Variants in FSHR observed in about 807,000 individuals in gnomAD.
FSHR encodes the protein follicle stimulating hormone receptor.
A neutral mutation model predicts 52.1 loss-of-function variants in FSHR; 46 were observed. That is an observed-to-expected ratio of 0.88 (90% CI 0.70 to 1.13). The LOEUF (loss-of-function observed/expected upper bound fraction) is 1.13, where lower values mean the gene tolerates loss of function less well. Ranked by LOEUF, FSHR falls within the 50% of genes most tolerant of loss-of-function variation. The probability of loss-of-function intolerance (pLI) is 0.00; values close to 1 mark genes in which losing one functional copy is unlikely to be tolerated. For synonymous variants in FSHR, 399 were observed against 309.6 expected, an observed-to-expected ratio of 1.29 and a Z score of -3.03; for missense variants, 964 against 834.6, an observed-to-expected ratio of 1.16 and a Z score of -1.91.
Position 48,989,074 on chromosome 2 carries a change from A to G in FSHR, c.447-20T>C, listed in dbSNP as rs781318331. On this transcript the variant is annotated intron_variant, in intron 5 of 9. Transcript: ENST00000406846. ...ATGTCACTAGAAGAAAGTACAGACA[A>G]ATAAGATACTTACATCAGCTCTACT... 17 of 1,593,438 alleles carry G rather than the reference A, an allele frequency of 1.1e-5. No homozygotes were observed. Among genetic ancestry groups the G allele is most frequent in the Non-Finnish European group, 1.5e-5 (17 of 1,161,810 alleles).
chr2:48,964,068 A>ATTT, intron 9 of FSHR, 102 bp from the exon 10 acceptor site: 2 of 998,198 alleles, frequency 2.0e-6, no homozygotes, highest in Non-Finnish European at 2.8e-6. Context: ...TCTTCCTGAG[A>ATTT]TTTTTTTTTT....
At chr2:49,037,999 G>A (rs1668331859) in intron 2 of FSHR, among the ~76,000 whole-genome samples, 1 of 152,026 alleles carries the variant, frequency 6.6e-6, no homozygotes, top group African/African-American at 2.4e-5. Flanking sequence ...ACCCACCAGA[G>A]AGGAAAGACA....
rs576270400 is a variant in FSHR, at chr2:49,107,397, C to T, written c.153-39107G>A. 9.2e-5 allele frequency among the ~76,000 whole-genome samples: 14 copies of T among 152,230 alleles called. No homozygotes were observed. The East Asian group carries it at 2.7e-3, about 29-fold the overall frequency. ...TGTCTTGCACACACCTATCTTATAGCACTTATCTTACTACTGTGACTCTAG... is the reference window on the plus strand; with the variant it reads ...TGTCTTGCACACACCTATCTTATAGTACTTATCTTACTACTGTGACTCTAG... On this transcript the variant is annotated intron_variant, in intron 1 of 9. Coordinates refer to ENST00000406846, the MANE Select transcript of FSHR (RefSeq NM_000145.4).
intron 2 of FSHR, among the ~76,000 whole-genome samples, chr2:49,047,600 C>G (rs1187942215): frequency 1.3e-5 from 2 of 152,228 alleles, no homozygotes; most frequent in East Asian, 3.8e-4. Flanking sequence ...TAAAATCCCA[C>G]CATTAGCAAT....
intron 2 of FSHR, 152 bp downstream of exon 2, chr2:49,068,067 A>G (rs113054858): frequency 3.5e-5 from 24 of 685,720 alleles, no homozygotes; most frequent in African/African-American, 2.8e-4. Context: ...TTTAGGAACC[A>G]TGGTAACACA....
At position 48,970,046 on chromosome 2, in the gene FSHR, G is replaced by A. The variant is rs188893175; in HGVS notation, c.669-1163C>T. On this transcript the variant is annotated intron_variant, in intron 8 of 9. Coordinates refer to ENST00000406846, the MANE Select transcript of FSHR (RefSeq NM_000145.4). ...ACTTGAGTAAGAAGAGTCTTTTAAT[G>A]TTGGCATTCCCTGTAAATCAAAGCA... Among the ~76,000 whole-genome samples the A allele has an allele frequency of 1.6e-3, 246 of 152,294 alleles. 1 individual carries two copies. Among genetic ancestry groups the A allele is most frequent in the African/African-American group, 5.6e-3 (233 of 41,568 alleles).
chr2:48,989,273 C>CTT (rs70946840), intron 5 of FSHR, among the ~76,000 whole-genome samples: 52 of 120,794 alleles, frequency 4.3e-4, no homozygotes, highest in Non-Finnish European at 6.2e-4. Flanking sequence ...CATTCAGTGT[C>CTT]TTTTTTTTTT....
rs67442791 is a variant in FSHR at position 49,036,497 on chromosome 2, GTATATCTATATC to G, written c.225-16349_225-16338del. The stretch of plus-strand genomic sequence containing the variant: ...TACCTATTTCTCTATATTTGCATCT[GTATATCTATATC>G]TATATCTATATCTATATATAAATAC... On this transcript the variant is annotated intron_variant, in intron 2 of 9. Coordinates refer to ENST00000406846, the MANE Select transcript of FSHR (RefSeq NM_000145.4). Among the ~76,000 whole-genome samples, 963 of 150,838 alleles carry G rather than the reference GTATATCTATATC, an allele frequency of 6.4e-3. 3 individuals carry two copies. Among genetic ancestry groups the G allele is most frequent in the Non-Finnish European group, 0.01 (682 of 67,604 alleles).
At chr2:49,138,908 CG>C (rs1558462984) in intron 1 of FSHR, among the ~76,000 whole-genome samples, 1 of 151,772 alleles carries the variant, frequency 6.6e-6, no homozygotes, top group Non-Finnish European at 1.5e-5. Context: ...TTCTAATGCT[CG>C]TAATTTCTGG....
At chr2:49,145,513 C>A (rs1032178314) in intron 1 of FSHR, among the ~76,000 whole-genome samples, 1 of 152,092 alleles carries the variant, frequency 6.6e-6, no homozygotes, top group East Asian at 1.9e-4. Context: ...TTCTTATCAT[C>A]TCTGTTCTGG....
intron 1 of FSHR, among the ~76,000 whole-genome samples, chr2:49,112,077 ACTT>A (rs1194418422): frequency 6.6e-6 from 1 of 152,182 alleles, no homozygotes; most frequent in East Asian, 1.9e-4. Context: ...TCATGGTGTC[ACTT>A]CTTATGGAAT....
chr2:48,972,274 C>T lies in FSHR; in HGVS notation c.669-3391G>A, dbSNP rs185649838. The stretch of plus-strand genomic sequence containing the variant: ...TCTTGACTTTTTATACCACATACAT[C>T]TGGAATCTAATTACTTCTCACAACA... On this transcript the variant is annotated intron_variant, in intron 8 of 9. Transcript: ENST00000406846. 1.3e-3 allele frequency among the ~76,000 whole-genome samples: 199 copies of T among 152,314 alleles called. 1 individual carries two copies. The highest frequency in any genetic ancestry group is 4.6e-3 in the African/African-American group (191 of 41,566).
chr2:49,127,795 TC>T (rs1672076008), intron 1 of FSHR, among the ~76,000 whole-genome samples: 1 of 55,556 alleles, frequency 1.8e-5, no homozygotes. Flanking sequence ...TTCTTCTTCT[TC>T]TTCTTCTTCT....
chr2:49,076,981 T>C (rs768815355), intron 1 of FSHR, among the ~76,000 whole-genome samples: 3 of 152,054 alleles, frequency 2.0e-5, no homozygotes, highest in Non-Finnish European at 2.9e-5. Context: ...CTCCCTCCCA[T>C]GTGTCTTCCA....
At chr2:49,066,936 C>T (rs535596146) in intron 2 of FSHR, among the ~76,000 whole-genome samples, 1 of 152,168 alleles carries the variant, frequency 6.6e-6, no homozygotes, top group East Asian at 1.9e-4. Flanking sequence ...AGCTCTCCCA[C>T]TCTACTGTCT....
In FSHR at chr2:48,963,813, G is replaced by A. The variant is rs777679833; in HGVS notation, c.1008C>T (p.Asp336=). 1 of 1,614,142 alleles carries A rather than the reference G, an allele frequency of 6.2e-7. No individual in the cohort carries two copies. Among genetic ancestry groups the A allele is most frequent in the Non-Finnish European group, 8.5e-7 (1 of 1,180,006 alleles). ...TCACGTCAACCACTTCATTGCATAA[G>A]TCATAGTCAAACTCAGTGTACGTCA... is the stretch of plus-strand genomic sequence containing the variant. ...FDMTYTEFDY[D]LCNEVVDVTC... Residue 336 remains aspartate, a synonymous_variant, in exon 10 of 10, where the codon GAC becomes GAT. Transcript: ENST00000406846.
At chr2:49,113,910 G>T (rs1671512432) in intron 1 of FSHR, among the ~76,000 whole-genome samples, 1 of 152,130 alleles carries the variant, frequency 6.6e-6, no homozygotes, top group Admixed American at 6.6e-5. Context: ...ATCCTCAAGA[G>T]ACTTCAGAGT....
intron 2 of FSHR, among the ~76,000 whole-genome samples, chr2:49,061,620 A>ATCT: frequency 9.9e-6 from 1 of 100,518 alleles, no homozygotes; most frequent in African/African-American, 4.2e-5. Context: ...TTAGATATAT[A>ATCT]AAAATACATA....
At position 49,036,996 on chromosome 2, in the gene FSHR, T is replaced by C. The variant is rs1668293530; in HGVS notation, c.225-16836A>G. ...CAAGGAAAAATTTTAATTAGCATAA[T>C]GGCTGGGTCTTGGAGCTTCAAAACC... On this transcript the variant is annotated intron_variant, in intron 2 of 9. Transcript: ENST00000406846. 3.9e-5 allele frequency among the ~76,000 whole-genome samples: 6 copies of C among 152,328 alleles called. No individual in the cohort carries two copies. The South Asian group carries it at 6.2e-4, about 16-fold the overall frequency.
Sources: gnomAD v4.1 joint callset for allele counts (sites outside exome capture counted in the v4.1 genomes callset) on GRCh38, gnomAD v4.1.1 for gene constraint, MANE v1.5 for transcripts, NCBI Gene and HGNC (gene_info 2026-07-23, HGNC 2026-07-21) for gene names.